Variants in XIRP2 observed in about 807,000 individuals in gnomAD.
XIRP2 encodes the protein xin actin-binding repeat-containing protein 2.
In XIRP2, 236 loss-of-function variants were observed where a neutral mutation model predicts 277.0. The ratio of observed to expected loss-of-function variants is 0.85; its 90% confidence interval spans 0.77 to 0.95. The LOEUF is 0.95. XIRP2 is among the 40% of genes least tolerant of loss of function. The pLI is 0.00. For synonymous variants in XIRP2, 1,490 were observed against 1,416.5 expected (o/e 1.05, Z -1.17); for missense variants, 4,640 against 4,157.5 (o/e 1.12, Z -3.19).
chr2:167,245,533 A>T lies in XIRP2; in HGVS notation c.4141A>T (p.Lys1381Ter). ...ATCTGTCACACAAGAAGACATTCAG[A>T]AGGGAGATGTTAGTTCTGTCAGATA... ...IKSVTQEDIQ[K>*]GDVSSVRYRF... Residue 1381 changes from lysine to a stop codon, truncating the protein, a stop_gained, in exon 9 of 11, where the codon AAG becomes TAG. Coordinates refer to ENST00000409195, the MANE Select transcript of XIRP2 (RefSeq NM_152381.6). LOFTEE classifies it high-confidence loss of function. 6.2e-7 allele frequency: 1 copy of T among 1,613,622 alleles called. No homozygotes were observed. The highest frequency in any genetic ancestry group is 8.5e-7 in the Non-Finnish European group (1 of 1,179,750).
At chr2:167,133,093 CA>C (rs1218967661) in intron 2 of XIRP2, among the ~76,000 whole-genome samples, 34 of 152,304 alleles carry the variant, frequency 2.2e-4, no homozygotes, top group Admixed American at 3.9e-4. Flanking sequence ...ATCAAGGCCA[CA>C]AAGCTTATTA....
intron 2 of XIRP2, among the ~76,000 whole-genome samples, chr2:167,135,025 A>T (rs898702914): frequency 2.0e-5 from 3 of 152,168 alleles, no homozygotes; most frequent in African/African-American, 7.2e-5. Flanking sequence ...CAGAAACCAA[A>T]CCTACAGTTA....
At chr2:167,068,871 A>C (rs1689370464) in intron 2 of XIRP2, among the ~76,000 whole-genome samples, 1 of 152,072 alleles carries the variant, frequency 6.6e-6, no homozygotes, top group Non-Finnish European at 1.5e-5. Flanking sequence ...AGCTATCATT[A>C]GCTTTAGTGT....
intron 2 of XIRP2, among the ~76,000 whole-genome samples, chr2:167,086,970 G>C (rs1158715914): frequency 6.6e-6 from 1 of 152,130 alleles, no homozygotes; most frequent in East Asian, 1.9e-4. Context: ...ATCCAGCTTT[G>C]TTCCGTTGCT....
At chr2:166,972,180 G>A (rs539009691) in intron 2 of XIRP2, among the ~76,000 whole-genome samples, 91 of 152,228 alleles carry the variant, frequency 6.0e-4, no homozygotes, top group African/African-American at 2.0e-3. Flanking sequence ...CAAGGAGGCA[G>A]CCTTCTGCAA....
At chr2:167,043,888 T>C (rs1030341611) in intron 2 of XIRP2, among the ~76,000 whole-genome samples, 13 of 152,152 alleles carry the variant, frequency 8.5e-5, no homozygotes, top group African/African-American at 1.9e-4. Flanking sequence ...GTCATCATCA[T>C]TGTAGAGTGA....
At chr2:167,093,519 C>T (rs1394718070) in intron 2 of XIRP2, among the ~76,000 whole-genome samples, 1 of 152,022 alleles carries the variant, frequency 6.6e-6, no homozygotes, top group Non-Finnish European at 1.5e-5. Context: ...TCCCTGTGCC[C>T]ACATGTTCTC....
At chr2:167,111,124 G>A (rs866170705) in intron 2 of XIRP2, among the ~76,000 whole-genome samples, 5 of 152,060 alleles carry the variant, frequency 3.3e-5, no homozygotes, top group African/African-American at 1.2e-4. Flanking sequence ...CTGCAAAGAG[G>A]AATAATTTGA....
chr2:166,970,219 T>C (rs75909327), intron 2 of XIRP2, among the ~76,000 whole-genome samples: 4,591 of 152,156 alleles, frequency 0.03, 99 homozygotes, highest in East Asian at 0.078. Flanking sequence ...ATCTTTAGGA[T>C]ATGAAAAGTT....
intron 2 of XIRP2, among the ~76,000 whole-genome samples, chr2:166,935,405 C>T (rs980662206): frequency 1.3e-5 from 2 of 152,008 alleles, no homozygotes; most frequent in African/African-American, 2.4e-5. Flanking sequence ...AGTAGTCTTA[C>T]ATTTGTTTTT....
Position 167,249,079 on chromosome 2 carries a change from CA to C in XIRP2, c.7688del (p.Gln2563ArgfsTer18), listed in dbSNP as rs1470601182. On this transcript the variant is annotated frameshift_variant, in exon 9 of 11. Transcript: ENST00000409195. LOFTEE classifies it high-confidence loss of function. Reference sequence around the variant, plus strand: ...AAAAGAAGAAATTGAAAAACAGAAACAGGAGAGTTCTTACTACAACATTGTT... The same window carrying C: ...AAAAGAAGAAATTGAAAAACAGAAACGGAGAGTTCTTACTACAACATTGTT... ...QQKEEIEKQK[Q>X]ESSYYNIVKT... 3.7e-6 allele frequency: 6 copies of C among 1,613,196 alleles called. No individual in the cohort carries two copies. Among genetic ancestry groups the C allele is most frequent in the Non-Finnish European group, 5.1e-6 (6 of 1,179,676 alleles).
At chr2:167,011,376 A>T (rs1687675059) in intron 2 of XIRP2, among the ~76,000 whole-genome samples, 1 of 151,162 alleles carries the variant, frequency 6.6e-6, no homozygotes. Flanking sequence ...GATTACATTT[A>T]TTGATTTGTG....
chr2:167,074,667 G>GCT (rs1689516992), intron 2 of XIRP2, among the ~76,000 whole-genome samples: 2 of 151,392 alleles, frequency 1.3e-5, no homozygotes, highest in African/African-American at 4.9e-5. Flanking sequence ...TATGGGACAG[G>GCT]CTCTCACTGT....
At chr2:166,972,122 A>G (rs1272023406) in intron 2 of XIRP2, among the ~76,000 whole-genome samples, 2 of 152,052 alleles carry the variant, frequency 1.3e-5, no homozygotes, top group Non-Finnish European at 2.9e-5. Context: ...TATAGGAAAA[A>G]GAAGAGAACA....
intron 2 of XIRP2, among the ~76,000 whole-genome samples, chr2:167,094,168 GTT>G (rs1558977927): frequency 2.6e-5 from 4 of 151,052 alleles, no homozygotes. Context: ...GGGGTTGTTT[GTT>G]TTTTTCTTGT....
chr2:167,256,867 T>C (rs866509666), intron 10 of XIRP2, among the ~76,000 whole-genome samples: 3 of 151,910 alleles, frequency 2.0e-5, no homozygotes, highest in African/African-American at 7.2e-5. Flanking sequence ...GAACCTTCTC[T>C]TTCATTTCTG....
At chr2:166,995,176 G>T (rs1315681735) in intron 2 of XIRP2, among the ~76,000 whole-genome samples, 1 of 152,098 alleles carries the variant, frequency 6.6e-6, no homozygotes, top group Non-Finnish European at 1.5e-5. Context: ...AGCCACGCCT[G>T]GCCTGACCTC....
At chr2:167,062,037 C>G (rs16852925) in intron 2 of XIRP2, among the ~76,000 whole-genome samples, 46,763 of 152,114 alleles carry the variant, frequency 0.31, 10,002 homozygotes, top group African/African-American at 0.61. Flanking sequence ...CCAGCACCCT[C>G]GATCGCTTGG....
At chr2:167,140,223 A>T (rs552704984) in intron 3 of XIRP2, among the ~76,000 whole-genome samples, 1 of 152,350 alleles carries the variant, frequency 6.6e-6, no homozygotes, top group Admixed American at 6.5e-5. Flanking sequence ...TAGTTTTATC[A>T]TAGAAACAGA....
Sources: allele counts gnomAD v4.1 joint callset (sites outside exome capture counted in the v4.1 genomes callset), GRCh38; gene constraint gnomAD v4.1.1; transcripts MANE v1.5; gene names NCBI Gene and HGNC (gene_info 2026-07-23, HGNC 2026-07-21).